Variants in TOPAZ1 observed in about 807,000 individuals in gnomAD.
The protein encoded by TOPAZ1 is testis and ovary specific TOPAZ 1.
A neutral mutation model predicts 172.2 loss-of-function variants in TOPAZ1; 66 were observed. The ratio of observed to expected loss-of-function variants is 0.38; its 90% CI spans 0.31 to 0.47. TOPAZ1 has a LOEUF of 0.47. TOPAZ1 is among the 20% of genes least tolerant of loss of function. TOPAZ1 has a pLI of 0.99. For synonymous variants in TOPAZ1, 681 were observed against 683.9 expected (o/e 1.00, Z 0.07); for missense variants, 1,822 against 1,972.4 (o/e 0.92, Z 1.44).
chr3:44,333,899 C>T (rs1215251937), downstream of TOPAZ1, among the ~76,000 whole-genome samples: 1 of 152,162 alleles, frequency 6.6e-6, no homozygotes, highest in Non-Finnish European at 1.5e-5. Context: ...GAGCTCGCCA[C>T]AGGAGATTTT....
chr3:44,331,886 G>A lies in TOPAZ1; in HGVS notation c.4954G>A (p.Val1652Ile), dbSNP rs548447038. Residue 1652 changes from valine to isoleucine, a missense_variant, in exon 20 of 20, where the codon GTT becomes ATT. Val to Ile is a conservative substitution (Grantham distance 29). Around this residue, in one of 2 missense-constraint regions of TOPAZ1, gnomAD observed 333 missense variants for 481.7 expected, o/e 0.69. Transcript: ENST00000309765. ...TCGTATATCAGATCCAAAGCTTTTC[G>A]TTAAACACATGACTGTCAATGTTAA... The part of the protein sequence containing the change: ...AARISDPKLF[V>I]KHMTVNVNKE... 20 of 1,551,774 alleles carry A rather than the reference G, an allele frequency of 1.3e-5. No homozygotes were observed. Among genetic ancestry groups the A allele is most frequent in the East Asian group, 4.9e-5 (2 of 40,898 alleles).
At position 44,331,940 on chromosome 3, in the gene TOPAZ1, T is replaced by G; in HGVS notation, c.5008T>G (p.Cys1670Gly). 1 of 1,551,546 alleles carries G rather than the reference T, an allele frequency of 6.4e-7. No individual in the cohort carries two copies. Among genetic ancestry groups the G allele is most frequent in the Non-Finnish European group, 8.7e-7 (1 of 1,146,982 alleles). Residue 1670 changes from cysteine (C) to glycine (G), a missense_variant, in exon 20 of 20, where the codon TGT (cysteine) becomes GGT (glycine). By Grantham distance (159) the Cys-to-Gly change is radical. This residue lies in a region of TOPAZ1 where 333 missense variants were observed against 481.7 expected (regional missense o/e 0.69). Transcript: ENST00000309765. The stretch of plus-strand genomic sequence containing the variant: ...GGAACAGGTTTATAGTTTGGAACAT[T>G]GTTCTGCCCTGAAATGGTTAAAAGA... ...NKEQVYSLEH[C>G]SALKWLKENM...
intron 3 of TOPAZ1, among the ~76,000 whole-genome samples, chr3:44,255,279 C>T (rs969482198): frequency 6.6e-6 from 1 of 152,166 alleles, no homozygotes; most frequent in Non-Finnish European, 1.5e-5. Flanking sequence ...TAATTGACCT[C>T]AGCAGTTTTT....
chr3:44,328,285 G>A lies in TOPAZ1; in HGVS notation c.4711G>A (p.Gly1571Arg). ...CTTGGGTTGCTACCCACCATTGGAAGGAAATTTATACCGAAAACTTCTTCT... is the reference window on the plus strand; with the variant it reads ...CTTGGGTTGCTACCCACCATTGGAAAGAAATTTATACCGAAAACTTCTTCT... ...LSLGCYPPLE[G>R]NLYRKLLLIP... The change falls in exon 19 of 20, where the codon GGA becomes AGA. Residue 1571 changes from glycine to arginine, a missense_variant. This residue lies in a region of TOPAZ1 where 333 missense variants were observed against 481.7 expected (regional missense o/e 0.69). Transcript: ENST00000309765. 1 of 1,510,596 alleles carries A rather than the reference G, an allele frequency of 6.6e-7. No homozygotes were observed. The highest frequency in any genetic ancestry group is 2.4e-5 in the Admixed American group (1 of 40,868). The allele number at this position is 1,510,596 out of a possible 1,614,324, so 93.6% of individuals were successfully genotyped here. A position where few individuals can be genotyped will look rare whatever the true frequency, so the allele number is the denominator to read the frequency against.
chr3:44,287,946 C>A, intron 11 of TOPAZ1, 107 bp downstream of exon 11: 1 of 611,782 alleles, frequency 1.6e-6, no homozygotes, highest in South Asian at 2.0e-5. Context: ...TTCTGGATGC[C>A]AAAGAATTCT....
intron 2 of TOPAZ1, among the ~76,000 whole-genome samples, chr3:44,251,515 A>G (rs879702253): frequency 6.6e-6 from 1 of 152,258 alleles, no homozygotes; most frequent in Non-Finnish European, 1.5e-5. Flanking sequence ...AATTACCCAC[A>G]ATAAAGATCT....
intron 7 of TOPAZ1, among the ~76,000 whole-genome samples, chr3:44,270,127 T>A (rs1160200612): frequency 2.6e-5 from 4 of 152,106 alleles, no homozygotes; most frequent in Admixed American, 2.6e-4. Flanking sequence ...TATAAAGCAG[T>A]TTATGGGGAA....
chr3:44,270,118 A>G (rs1048220811), intron 7 of TOPAZ1, among the ~76,000 whole-genome samples: 1 of 152,236 alleles, frequency 6.6e-6, no homozygotes, highest in Non-Finnish European at 1.5e-5. Context: ...AGCTGCTGAT[A>G]TAAAGCAGTT....
intron 17 of TOPAZ1, among the ~76,000 whole-genome samples, chr3:44,322,082 A>G (rs1296893736): frequency 1.3e-5 from 2 of 152,220 alleles, no homozygotes; most frequent in Non-Finnish European, 2.9e-5. Flanking sequence ...GTGTTTCAGG[A>G]AAGTTCCTCT....
intron 6 of TOPAZ1, 59 bp downstream of exon 6, chr3:44,267,195 AT>A: frequency 7.4e-7 from 1 of 1,342,750 alleles, no homozygotes; most frequent in Non-Finnish European, 9.7e-7. Context: ...AAACTAGGAG[AT>A]TTTTCTACCA....
At chr3:44,320,469 G>A (rs1299943835) in intron 16 of TOPAZ1, among the ~76,000 whole-genome samples, 4 of 151,982 alleles carry the variant, frequency 2.6e-5, no homozygotes, top group Non-Finnish European at 5.9e-5. Flanking sequence ...GTGGTGGCAC[G>A]CGCCTGTAGT....
chr3:44,274,542 A>G (rs1238721021), intron 8 of TOPAZ1, among the ~76,000 whole-genome samples: 1 of 150,824 alleles, frequency 6.6e-6, no homozygotes, highest in Non-Finnish European at 1.5e-5. Flanking sequence ...AAAGGCACAA[A>G]ATGGAAGTAA....
At chr3:44,258,511 A>G (rs1466949026) in intron 4 of TOPAZ1, among the ~76,000 whole-genome samples, 3 of 152,048 alleles carry the variant, frequency 2.0e-5, no homozygotes, top group African/African-American at 7.2e-5. Flanking sequence ...CTGCATTTCT[A>G]TAATTCAGTC....
chr3:44,299,541 T>C (rs900891946), intron 12 of TOPAZ1, among the ~76,000 whole-genome samples: 4 of 152,018 alleles, frequency 2.6e-5, no homozygotes, highest in African/African-American at 9.7e-5. Context: ...GAAGTCAGTG[T>C]GGCGATTCCT....
chr3:44,269,106 T>A (rs1699864715), intron 6 of TOPAZ1, 110 bp from the exon 7 acceptor site: 2 of 707,166 alleles, frequency 2.8e-6, no homozygotes, highest in Admixed American at 5.0e-5. Flanking sequence ...TGAATATGAA[T>A]ATTTCAAAGT....
intron 2 of TOPAZ1, among the ~76,000 whole-genome samples, chr3:44,250,416 ATTATTAAATTT>A (rs1017246988): frequency 6.6e-6 from 1 of 152,030 alleles, no homozygotes; most frequent in African/African-American, 2.4e-5. Context: ...TTGTATAAAA[ATTATTAAATTT>A]TTATTAAATT....
At chr3:44,287,136 G>A (rs186707975) in intron 9 of TOPAZ1, among the ~76,000 whole-genome samples, 131 of 152,340 alleles carry the variant, frequency 8.6e-4, no homozygotes, top group Non-Finnish European at 1.4e-3. Context: ...GGGAATGGCA[G>A]TTTGGACCTA....
rs34027226 is a variant in TOPAZ1, at chr3:44,268,366, C to CT, written c.3161-824dup. 8.3e-3 allele frequency among the ~76,000 whole-genome samples: 559 copies of CT among 67,482 alleles called. 21 individuals are homozygous for CT. The highest frequency in any genetic ancestry group is 0.02 in the African/African-American group (374 of 18,434). 44.3% of individuals were successfully genotyped at this position (67,482 alleles called of 152,430 possible). On this transcript the variant is annotated intron_variant, in intron 6 of 19. Transcript: ENST00000309765. ...GAGTGTAAGCTCTGTGGTGCCTATT[C>CT]TTTTTTTTTTTTTTTTTTTTTTTTT...
At position 44,244,714 on chromosome 3, in the gene TOPAZ1, CATG is replaced by C; in HGVS notation, c.2215_2217del (p.Met739del). ...AGAACAGGAGTAAAGAAAATGTCTC[CATG>C]ATGATGTTAGGACCTCAAACTTTGA... On this transcript the variant is annotated inframe_deletion, in exon 2 of 20. Coordinates refer to ENST00000309765, the MANE Select transcript of TOPAZ1 (RefSeq NM_001145030.2). The C allele has an allele frequency of 6.4e-7, 1 of 1,551,380 alleles. No homozygotes were observed. Among genetic ancestry groups the C allele is most frequent in the Non-Finnish European group, 8.7e-7 (1 of 1,146,934 alleles).
Sources: gnomAD v4.1 joint callset for allele counts (sites outside exome capture counted in the v4.1 genomes callset) on GRCh38, gnomAD v4.1.1 for gene constraint, gnomAD v4.1.1 regional missense constraint, MANE v1.5 for transcripts, NCBI Gene and HGNC (gene_info 2026-07-23, HGNC 2026-07-21) for gene names.